The following DHX35 variants were observed in gnomAD, a reference collection of about 807,000 sequenced individuals.
DHX35 encodes the protein probable ATP-dependent RNA helicase DHX35.
A neutral mutation model predicts 99.6 loss-of-function variants in DHX35; 84 were observed. The ratio of observed to expected loss-of-function variants is 0.84; its 90% CI spans 0.71 to 1.01. The LOEUF (loss-of-function observed/expected upper bound fraction) is 1.01. Among genes scored for constraint, DHX35 ranks in the 50% least tolerant of loss-of-function variants. The probability of loss-of-function intolerance (pLI) is 0.00; values close to 1 mark genes in which losing one functional copy is unlikely to be tolerated. For synonymous variants in DHX35, 331 were observed against 316.2 expected (o/e 1.05, Z -0.50); for missense variants, 852 against 888.5 (o/e 0.96, Z 0.52).
chr20:39,026,577 G>A (rs1439920488), intron 18 of DHX35, among the ~76,000 whole-genome samples: 1 of 152,216 alleles, frequency 6.6e-6, no homozygotes, highest in East Asian at 1.9e-4. Flanking sequence ...AAGGAATCCA[G>A]AGAGGGCTAG....
At position 39,038,631 on chromosome 20, in the gene DHX35, C is replaced by T; in HGVS notation, c.*88C>T. ...GGTCCCAGGTGGGGTGAGCTGGCAC[C>T]AGCTCCTGTGGAATGTTTGGTTGCT... On this transcript the variant is annotated 3_prime_UTR_variant, in exon 22 of 22. Transcript: ENST00000252011. 1 of 1,390,794 alleles carries T rather than the reference C, an allele frequency of 7.2e-7. No individual in the cohort carries two copies. Among genetic ancestry groups the T allele is most frequent in the Non-Finnish European group, 9.9e-7 (1 of 1,009,028 alleles). The allele number at this position is 1,390,794 out of a possible 1,614,324, so 86.2% of individuals were successfully genotyped here.
chr20:39,031,333 CTTT>C (rs111833262), intron 20 of DHX35, among the ~76,000 whole-genome samples: 7 of 131,672 alleles, frequency 5.3e-5, no homozygotes, highest in Admixed American at 7.6e-5. Flanking sequence ...GCTCACGGTT[CTTT>C]TTTTTTTTTT....
intron 11 of DHX35, 135 bp from the exon 12 acceptor site, chr20:39,006,011 G>T: frequency 9.8e-7 from 1 of 1,016,526 alleles, no homozygotes; most frequent in Non-Finnish European, 1.4e-6. Flanking sequence ...GAAACTCACA[G>T]TCTTTCTAGT....
intron 15 of DHX35, among the ~76,000 whole-genome samples, chr20:39,019,215 T>C (rs1169534050): frequency 6.6e-6 from 1 of 152,206 alleles, no homozygotes; most frequent in African/African-American, 2.4e-5. Flanking sequence ...CACTACTTTC[T>C]GTCTCTATGA....
Position 39,038,801 on chromosome 20 carries a change from C to G in DHX35, c.*258C>G, listed in dbSNP as rs971521124. 7.4e-6 allele frequency: 4 copies of G among 542,978 alleles called. No individual in the cohort carries two copies. The highest frequency in any genetic ancestry group is 1.9e-5 in the African/African-American group (1 of 52,594). 33.6% of individuals were successfully genotyped at this position (542,978 alleles called of 1,614,324 possible). ...GCAGAGTGGGAGTTGGCTCACTCAG[C>G]ACGCTCACTAACCCAGCATGCCACT... On this transcript the variant is annotated 3_prime_UTR_variant, in exon 22 of 22. Coordinates refer to ENST00000252011, the MANE Select transcript of DHX35 (RefSeq NM_021931.4).
At chr20:39,030,820 CCAT>C (rs772074799) in intron 20 of DHX35, 45 bp downstream of exon 20, 1 of 1,586,878 alleles carries the variant, frequency 6.3e-7, no homozygotes, top group Non-Finnish European at 8.6e-7. Context: ...TTGAACAGGG[CCAT>C]GTTCTTGTTT....
In DHX35 at chr20:39,018,840, G is replaced by A; in HGVS notation, c.1439G>A (p.Gly480Asp). Residue 480 changes from glycine (G) to aspartate (D), a missense_variant, in exon 15 of 22, where the codon GGC (glycine) becomes GAC (aspartate). Gly to Asp is a moderately conservative substitution (Grantham distance 94, BLOSUM62 -1). Transcript: ENST00000252011. ...GACTGTCGCCTAACTGAACCGCTTG[G>A]CATGAGAATTGCAGAGTTTCCTTTG... ...DKDCRLTEPLGMRIAEFPLNP... is the reference protein window; with the variant it reads ...DKDCRLTEPLDMRIAEFPLNP... The A allele has an allele frequency of 6.2e-7, 1 of 1,613,962 alleles. No homozygotes were observed. The highest frequency in any genetic ancestry group is 8.5e-7 in the Non-Finnish European group (1 of 1,179,938).
At chr20:39,015,835 G>A (rs769457884) in intron 14 of DHX35, among the ~76,000 whole-genome samples, 43 of 152,034 alleles carry the variant, frequency 2.8e-4, no homozygotes, top group South Asian at 2.1e-4. Flanking sequence ...CATTAGCGCC[G>A]AACTTCTCAT....
chr20:39,009,168 T>C (rs560226561), intron 12 of DHX35, among the ~76,000 whole-genome samples: 7 of 152,336 alleles, frequency 4.6e-5, no homozygotes, highest in African/African-American at 1.4e-4. Context: ...GTGTTAACTT[T>C]GTTTCTCCTT....
intron 14 of DHX35, 41 bp from the exon 15 acceptor site, chr20:39,018,763 T>C: frequency 6.3e-7 from 1 of 1,585,722 alleles, no homozygotes; most frequent in Non-Finnish European, 8.7e-7. Flanking sequence ...TCCAACACAA[T>C]GGTACCTGCC....
chr20:39,003,782 G>A lies in DHX35; in HGVS notation c.886G>A (p.Glu296Lys), dbSNP rs191775986. Residue 296 changes from glutamate (E) to lysine (K), a missense_variant, in exon 11 of 22, where the codon GAG (glutamate) becomes AAG (lysine). By Grantham distance (56) the Glu-to-Lys change is moderately conservative. Transcript: ENST00000252011. ...EVETVVSMLIEQARALARTGM... is the reference protein window; with the variant it reads ...EVETVVSMLIKQARALARTGM... ...AGAAACTGTTGTGTCGATGCTCATCGAGCAGGCTCGAGCACTAGCTCGCAC... is the reference window on the plus strand; with the variant it reads ...AGAAACTGTTGTGTCGATGCTCATCAAGCAGGCTCGAGCACTAGCTCGCAC... The A allele has an allele frequency of 3.7e-6, 6 of 1,614,132 alleles. No individual in the cohort carries two copies. Among genetic ancestry groups the A allele is most frequent in the South Asian group, 3.3e-5 (3 of 91,080 alleles).
chr20:38,962,541 G>T, intron 1 of DHX35, 134 bp downstream of exon 1: 1 of 1,139,416 alleles, frequency 8.8e-7, no homozygotes, highest in East Asian at 2.6e-5. Context: ...GCCTCTGTGC[G>T]GGGGGAGCTC....
At chr20:39,031,669 A>C (rs2087056206) in intron 20 of DHX35, among the ~76,000 whole-genome samples, 1 of 152,198 alleles carries the variant, frequency 6.6e-6, no homozygotes. Flanking sequence ...GGACAGACAC[A>C]GAGTCAACTA....
intron 18 of DHX35, among the ~76,000 whole-genome samples, chr20:39,026,297 C>T (rs1016854658): frequency 6.6e-6 from 1 of 152,168 alleles, no homozygotes; most frequent in Non-Finnish European, 1.5e-5. Flanking sequence ...TAAAATGTAA[C>T]TTGCTGAAGT....
intron 19 of DHX35, among the ~76,000 whole-genome samples, chr20:39,028,894 G>C (rs190166535): frequency 1.2e-4 from 19 of 152,258 alleles, no homozygotes; most frequent in African/African-American, 3.9e-4. Context: ...CTCCCACCCT[G>C]GTATAGTGTG....
rs192872877 is a variant in DHX35 at position 38,994,211 on chromosome 20, C to G, written c.583-610C>G. On this transcript the variant is annotated intron_variant, in intron 7 of 21. Coordinates refer to ENST00000252011, the MANE Select transcript of DHX35 (RefSeq NM_021931.4). ...TTCAGGAACGGTATAATAAGAGGGC[C>G]GATTTCACTGAATCTTTGCCAACAC... Among the ~76,000 whole-genome samples the G allele has an allele frequency of 4.6e-5, 7 of 151,904 alleles. No individual in the cohort carries two copies. The East Asian group carries it at 1.4e-3, about 29-fold the overall frequency.
Position 38,992,393 on chromosome 20 carries a change from T to C in DHX35, c.550T>C (p.Tyr184His). 6.2e-7 allele frequency: 1 copy of C among 1,614,156 alleles called. No homozygotes were observed. The highest frequency in any genetic ancestry group is 1.1e-5 in the South Asian group (1 of 91,082). Reference sequence around the variant, plus strand: ...GGATGAAGCCCACGAGAGGACCTTGTACACTGACATTGCCATTGGCTTGCT... The same window carrying C: ...GGATGAAGCCCACGAGAGGACCTTGCACACTGACATTGCCATTGGCTTGCT... Reference protein sequence around the residue: ...MLDEAHERTLYTDIAIGLLKK... With the variant: ...MLDEAHERTLHTDIAIGLLKK... Residue 184 changes from tyrosine to histidine, a missense_variant, in exon 7 of 22, where the codon TAC becomes CAC. Transcript: ENST00000252011.
intron 16 of DHX35, among the ~76,000 whole-genome samples, 174 bp from the exon 17 acceptor site, chr20:39,023,516 T>C (rs761504326): frequency 1.2e-4 from 18 of 147,556 alleles, no homozygotes; most frequent in Non-Finnish European, 4.5e-5. Context: ...GCCCTGCTGA[T>C]TTTTTTTTTT....
intron 4 of DHX35, among the ~76,000 whole-genome samples, chr20:38,987,690 C>T (rs2086271691): frequency 6.6e-6 from 1 of 151,976 alleles, no homozygotes; most frequent in African/African-American, 2.4e-5. Context: ...TTTTCTCTTT[C>T]CTGCATTCAT....
Sources: allele counts gnomAD v4.1 joint callset (sites outside exome capture counted in the v4.1 genomes callset), GRCh38; gene constraint gnomAD v4.1.1; transcripts MANE v1.5; gene names NCBI Gene and HGNC (gene_info 2026-07-23, HGNC 2026-07-21).